The following NOL10 variants were observed in gnomAD, a reference collection of about 807,000 sequenced individuals.
NOL10 encodes H_NH0074G24.1.
Under a neutral mutation model 103.5 loss-of-function variants are expected in NOL10, and 58 were observed. The ratio of observed to expected loss-of-function variants is 0.56; its 90% CI spans 0.45 to 0.70. The LOEUF is 0.70. NOL10 is among the 30% of genes least tolerant of loss of function. NOL10 has a pLI of 0.00. For synonymous variants in NOL10, 287 were observed against 282.5 expected, an observed-to-expected ratio of 1.02 and a Z score of -0.16; for missense variants, 763 against 807.3, an observed-to-expected ratio of 0.95 and a Z score of 0.67.
chr2:10,571,770 C>G lies in NOL10; in HGVS notation c.*301G>C. ...GATAAACCTTTCATTTCATGGTGTACATTTCACAATATTAAAAAAACCCCA... is the reference window on the plus strand; with the variant it reads ...GATAAACCTTTCATTTCATGGTGTAGATTTCACAATATTAAAAAAACCCCA... On this transcript the variant is annotated 3_prime_UTR_variant, in exon 21 of 21. Coordinates refer to ENST00000381685, the MANE Select transcript of NOL10 (RefSeq NM_024894.4). 4.3e-6 allele frequency: 1 copy of G among 233,194 alleles called. No homozygotes were observed. The allele number at this position is 233,194 out of a possible 1,614,324, so 14.4% of individuals were successfully genotyped here.
At position 10,587,060 on chromosome 2, in the gene NOL10, T is replaced by TATATAC. The variant is rs1325327488; in HGVS notation, c.1844+1982_1844+1983insGTATAT. 1.0e-3 allele frequency among the ~76,000 whole-genome samples: 42 copies of TATATAC among 41,552 alleles called. 11 individuals carry two copies. Among genetic ancestry groups the TATATAC allele is most frequent in the Non-Finnish European group, 2.0e-3 (38 of 19,030 alleles). 27.3% of individuals were successfully genotyped at this position (41,552 alleles called of 152,430 possible). On this transcript the variant is annotated intron_variant, in intron 19 of 20. Coordinates refer to ENST00000381685, the MANE Select transcript of NOL10 (RefSeq NM_024894.4). ...AGTTAAATGTATATATATATACATA[T>TATATAC]ATATATACATATATATACATATATA...
intron 1 of NOL10, among the ~76,000 whole-genome samples, chr2:10,685,287 G>A (rs1044506596): frequency 5.3e-5 from 8 of 152,130 alleles, no homozygotes; most frequent in Non-Finnish European, 7.4e-5. Context: ...TTGGGAGGCC[G>A]ATTGAGACCA....
At chr2:10,676,061 C>T (rs1280452930) in intron 3 of NOL10, among the ~76,000 whole-genome samples, 190 bp from the exon 4 acceptor site, 2 of 152,146 alleles carry the variant, frequency 1.3e-5, no homozygotes, top group Non-Finnish European at 2.9e-5. Context: ...ACAAGCAAGT[C>T]ATAGAAAACC....
chr2:10,659,881 T>C (rs1315570901), intron 9 of NOL10, among the ~76,000 whole-genome samples: 1 of 152,108 alleles, frequency 6.6e-6, no homozygotes, highest in African/African-American at 2.4e-5. Flanking sequence ...ACTTTAAAAT[T>C]AGCCAAGTTC....
intron 17 of NOL10, among the ~76,000 whole-genome samples, chr2:10,594,165 G>A (rs1224564566): frequency 6.6e-6 from 1 of 152,030 alleles, no homozygotes; most frequent in Non-Finnish European, 1.5e-5. Context: ...GTCGCTTCGT[G>A]TCAGGTTTCC....
intron 13 of NOL10, among the ~76,000 whole-genome samples, chr2:10,611,241 A>T (rs1676551056): frequency 6.6e-6 from 1 of 152,238 alleles, no homozygotes; most frequent in Non-Finnish European, 1.5e-5. Flanking sequence ...TTGATTCTAT[A>T]AAATATGAAT....
chr2:10,646,202 C>A (rs1378575915), intron 12 of NOL10, among the ~76,000 whole-genome samples: 2 of 152,152 alleles, frequency 1.3e-5, no homozygotes, highest in Non-Finnish European at 2.9e-5. Flanking sequence ...TGAAAGATCT[C>A]CAGGAGCCTT....
rs1401650461 is a variant in NOL10 at position 10,659,255 on chromosome 2, A to G, written c.678-5T>C. On this transcript the variant is annotated splice_region_variant and splice_polypyrimidine_tract_variant and intron_variant, in intron 9 of 20. Transcript: ENST00000381685. ...ATTGTTGGTAAACTGTTTATCCTGA[A>G]AAGCAAAATATTCATGCTTCATGAA... 6.4e-7 allele frequency: 1 copy of G among 1,565,370 alleles called. No homozygotes were observed. Among genetic ancestry groups the G allele is most frequent in the Non-Finnish European group, 8.7e-7 (1 of 1,150,138 alleles).
At chr2:10,659,004 G>A (rs1680013871) in intron 10 of NOL10, among the ~76,000 whole-genome samples, 168 bp downstream of exon 10, 1 of 152,124 alleles carries the variant, frequency 6.6e-6, no homozygotes. Flanking sequence ...ACCAAGGCAA[G>A]AGTCAAGATT....
At chr2:10,605,518 A>C (rs2148190651) in intron 14 of NOL10, among the ~76,000 whole-genome samples, 1 of 152,344 alleles carries the variant, frequency 6.6e-6, no homozygotes, top group Middle Eastern at 3.4e-3. Flanking sequence ...ATTTTGTTGA[A>C]TATCTATTTC....
chr2:10,634,337 G>C (rs1395759223), intron 13 of NOL10, among the ~76,000 whole-genome samples: 1 of 152,206 alleles, frequency 6.6e-6, no homozygotes, highest in African/African-American at 2.4e-5. Context: ...ATGAAGTGGA[G>C]AGGAGAGGAA....
chr2:10,668,683 G>C lies in NOL10; in HGVS notation c.505C>G (p.Leu169Val). 6.5e-7 allele frequency: 1 copy of C among 1,546,436 alleles called. No homozygotes were observed. Among genetic ancestry groups the C allele is most frequent in the Non-Finnish European group, 8.8e-7 (1 of 1,135,676 alleles). Residue 169 changes from leucine to valine, a missense_variant, in exon 7 of 21, where the codon CTG (leucine) becomes GTG (valine). By Grantham distance (32) the Leu-to-Val change is conservative (BLOSUM62 1). Transcript: ENST00000381685. ...YRLNLEQGRYLNPLQTDAAEN... is the reference protein window; with the variant it reads ...YRLNLEQGRYVNPLQTDAAEN... ...GCAGCATCAGTTTGTAGAGGATTCA[G>C]GTATCGTCCTTGTTCTAAGTTTAAC...
At chr2:10,581,679 T>C (rs993456663) in intron 19 of NOL10, among the ~76,000 whole-genome samples, 1 of 151,984 alleles carries the variant, frequency 6.6e-6, no homozygotes, top group Non-Finnish European at 1.5e-5. Flanking sequence ...ATTTAACAAT[T>C]AGCCGCATGT....
At chr2:10,657,190 G>A (rs1572390377) in intron 11 of NOL10, among the ~76,000 whole-genome samples, 1 of 152,098 alleles carries the variant, frequency 6.6e-6, no homozygotes, top group East Asian at 1.9e-4. Context: ...ATGGTGACAT[G>A]CACCTGTAAT....
intron 15 of NOL10, 46 bp from the exon 16 acceptor site, chr2:10,602,920 G>T (rs762705711): frequency 3.1e-4 from 438 of 1,392,374 alleles, no homozygotes; most frequent in South Asian, 9.6e-4. Flanking sequence ...ATGGTATTTG[G>T]TAATATCATT....
intron 19 of NOL10, among the ~76,000 whole-genome samples, chr2:10,587,158 C>CATATACATAT (rs1416086112): frequency 3.0e-5 from 1 of 33,206 alleles, no homozygotes; most frequent in African/African-American, 1.8e-4. Flanking sequence ...TACATATATA[C>CATATACATAT]ACATATATAC....
intron 13 of NOL10, among the ~76,000 whole-genome samples, chr2:10,638,348 GTAACGTAACGTAACA>G (rs1237500468): frequency 6.7e-6 from 1 of 149,662 alleles, no homozygotes; most frequent in African/African-American, 2.5e-5. Context: ...GTAACGTAAC[GTAACGTAACGTAACA>G]GTACCTAACT....
At chr2:10,669,464 T>TA (rs1680773216) in intron 6 of NOL10, among the ~76,000 whole-genome samples, 2 of 85,208 alleles carry the variant, frequency 2.3e-5, no homozygotes, top group Non-Finnish European at 6.4e-5. Flanking sequence ...TATTTTTATT[T>TA]TTTATATATA....
chr2:10,644,146 G>A lies in NOL10; in HGVS notation c.1026+174C>T, dbSNP rs115312796. ...ACACCTGTAATCCCAGCTACAGGAG[G>A]TTGAGGTAGGAGAATCACTTGAACC... On this transcript the variant is annotated intron_variant, in intron 13 of 20. Coordinates refer to ENST00000381685, the MANE Select transcript of NOL10 (RefSeq NM_024894.4). Among the ~76,000 whole-genome samples, 1,435 of 152,294 alleles carry A rather than the reference G, an allele frequency of 9.4e-3. 9 individuals carry two copies. Among genetic ancestry groups the A allele is most frequent in the Middle Eastern group, 0.017 (5 of 294 alleles).
Sources: allele counts gnomAD v4.1 joint callset (sites outside exome capture counted in the v4.1 genomes callset), GRCh38; gene constraint gnomAD v4.1.1; transcripts MANE v1.5; gene names NCBI Gene and HGNC (gene_info 2026-07-23, HGNC 2026-07-21).